WDR64: variants seen among roughly 807,000 people sequenced by gnomAD.
The protein encoded by WDR64 is WD repeat domain 64.
A neutral mutation model predicts 139.3 loss-of-function variants in WDR64; 112 were observed. That is an observed-to-expected ratio of 0.80 (90% CI 0.69 to 0.94). The LOEUF (loss-of-function observed/expected upper bound fraction) is 0.94. WDR64 is among the 40% of genes least tolerant of loss of function. The pLI is 0.00. For synonymous variants in WDR64, 444 were observed against 437.7 expected (o/e 1.01, Z -0.18); for missense variants, 1,206 against 1,293.1 (o/e 0.93, Z 1.03).
At position 241,679,580 on chromosome 1, in the gene WDR64, T is replaced by C; in HGVS notation, c.609T>C (p.Ala203=). 6.4e-7 allele frequency: 1 copy of C among 1,551,642 alleles called. No homozygotes were observed. The highest frequency in any genetic ancestry group is 1.2e-5 in the South Asian group (1 of 84,064). ...CCATTATTGTCTGGGATTATAAAGC[T>C]CAAGGGAGCAGCCAGGTATTGTGCC... ...ERTIIVWDYK[A]QGSSQENYFV... is the part of the protein sequence containing the mutation. The change falls in exon 6 of 28, where the codon GCT becomes GCC. Residue 203 remains alanine (A), a synonymous_variant. Transcript: ENST00000437684.
At chr1:241,740,798 T>C (rs577321035) in intron 11 of WDR64, among the ~76,000 whole-genome samples, 2 of 152,198 alleles carry the variant, frequency 1.3e-5, no homozygotes, top group Admixed American at 1.3e-4. Context: ...CTCGAGTAGC[T>C]GGGATTACAG....
chr1:241,682,250 T>C (rs1191258397), intron 6 of WDR64, among the ~76,000 whole-genome samples: 1 of 152,244 alleles, frequency 6.6e-6, no homozygotes, highest in Non-Finnish European at 1.5e-5. Flanking sequence ...AGAATTTTTA[T>C]AGTTTCAGGT....
At chr1:241,752,795 G>A (rs900365797) in intron 14 of WDR64, among the ~76,000 whole-genome samples, 1 of 152,254 alleles carries the variant, frequency 6.6e-6, no homozygotes, top group South Asian at 2.1e-4. Context: ...AGGCTGCAGT[G>A]AGCCAAAATT....
At chr1:241,789,554 A>G (rs1302345604) in intron 24 of WDR64, among the ~76,000 whole-genome samples, 2 of 152,234 alleles carry the variant, frequency 1.3e-5, no homozygotes, top group African/African-American at 4.8e-5. Context: ...CCCATAAAAA[A>G]GAATGAGATC....
chr1:241,685,292 TAAA>T (rs1666961476), intron 7 of WDR64, among the ~76,000 whole-genome samples: 1 of 151,774 alleles, frequency 6.6e-6, no homozygotes. Flanking sequence ...TTAATTGTTT[TAAA>T]AAATATTTAA....
At chr1:241,693,442 G>T (rs1237629752) in intron 8 of WDR64, among the ~76,000 whole-genome samples, 1 of 152,168 alleles carries the variant, frequency 6.6e-6, no homozygotes, top group Non-Finnish European at 1.5e-5. Flanking sequence ...TTAGGGCACT[G>T]AAACTACTTT....
chr1:241,698,187 T>G (rs1667571450), intron 8 of WDR64, among the ~76,000 whole-genome samples: 1 of 152,138 alleles, frequency 6.6e-6, no homozygotes, highest in African/African-American at 2.4e-5. Flanking sequence ...AATATATACC[T>G]TCTATAGCAT....
chr1:241,779,883 G>A, intron 21 of WDR64, 121 bp from the exon 22 acceptor site: 1 of 632,590 alleles, frequency 1.6e-6, no homozygotes, highest in Non-Finnish European at 2.6e-6. Flanking sequence ...TTTCATTTCT[G>A]TTTTCTCAGG....
chr1:241,684,498 G>A (rs1159987594), intron 7 of WDR64, among the ~76,000 whole-genome samples: 2 of 152,014 alleles, frequency 1.3e-5, no homozygotes, highest in South Asian at 4.1e-4. Context: ...ATATTAAATG[G>A]TCTTCCTTAT....
intron 11 of WDR64, among the ~76,000 whole-genome samples, chr1:241,739,323 T>C (rs1474477019): frequency 1.3e-5 from 2 of 152,168 alleles, no homozygotes; most frequent in Admixed American, 1.3e-4. Context: ...AATGAGTGAA[T>C]TTCCTAAGCA....
chr1:241,748,490 CT>C (rs1205315619), intron 13 of WDR64, among the ~76,000 whole-genome samples: 1 of 151,946 alleles, frequency 6.6e-6, no homozygotes, highest in Non-Finnish European at 1.5e-5. Flanking sequence ...ACTTACTTTT[CT>C]TTTTTTGTCT....
Position 241,749,741 on chromosome 1 carries a change from T to C in WDR64, c.1770+19T>C, listed in dbSNP as rs1669909606. 4 of 1,598,268 alleles carry C rather than the reference T, an allele frequency of 2.5e-6. No homozygotes were observed. The highest frequency in any genetic ancestry group is 1.4e-5 in the African/African-American group (1 of 69,958). On this transcript the variant is annotated intron_variant, in intron 14 of 27. Coordinates refer to ENST00000437684, the MANE Select transcript of WDR64 (RefSeq NM_001367482.1). ...GATCCAGGTTTACAATCCCACTTCA[T>C]ACTCGTACTGCAGGTGCCCTTTTTG...
chr1:241,790,078 T>C lies in WDR64; in HGVS notation c.2892-513T>C, dbSNP rs1431945846. On this transcript the variant is annotated intron_variant, in intron 24 of 27. Coordinates refer to ENST00000437684, the MANE Select transcript of WDR64 (RefSeq NM_001367482.1). ...TTTAAATACATGAAATGGCCGGTCATGGTGGCTCAGGCCTGTAATCCCAGC... is the reference window on the plus strand; with the variant it reads ...TTTAAATACATGAAATGGCCGGTCACGGTGGCTCAGGCCTGTAATCCCAGC... Among the ~76,000 whole-genome samples the C allele has an allele frequency of 4.6e-5, 7 of 152,138 alleles. No individual in the cohort carries two copies. In the East Asian group the frequency reaches 1.4e-3, roughly 29 times the overall value.
In WDR64 at chr1:241,660,549, G is replaced by C. The variant is rs1229160393; in HGVS notation, c.165G>C (p.Lys55Asn). The part of the protein sequence containing the change: ...IHKEDAIGYD[K>N]FYASVQKLFG... ...ATGCAGATGCAATTGGTTATGACAA[G>C]TTTTATGCATCGGTACAGAAGCTCT... Residue 55 changes from lysine to asparagine, a missense_variant, in exon 2 of 28, where the codon AAG becomes AAC. Transcript: ENST00000437684. 1 of 1,551,762 alleles carries C rather than the reference G, an allele frequency of 6.4e-7. No homozygotes were observed. The highest frequency in any genetic ancestry group is 2.0e-5 in the Admixed American group (1 of 51,004).
At chr1:241,708,275 T>C (rs1273939261) in intron 8 of WDR64, among the ~76,000 whole-genome samples, 1 of 152,242 alleles carries the variant, frequency 6.6e-6, no homozygotes, top group Non-Finnish European at 1.5e-5. Context: ...TTCAGTAATA[T>C]ATGAACATAA....
In WDR64 at chr1:241,762,032, T is replaced by C. The variant is rs1186908480; in HGVS notation, c.1948-4186T>C. Among the ~76,000 whole-genome samples, 8 of 152,224 alleles carry C rather than the reference T, an allele frequency of 5.3e-5. No individual in the cohort carries two copies. In the East Asian group the frequency reaches 1.5e-3, roughly 29 times the overall value. The stretch of plus-strand genomic sequence containing the variant: ...GACCTCCTCCCATGAATCACAAATG[T>C]CTTAATGGCATCTAGAATAGTGAAT... On this transcript the variant is annotated intron_variant, in intron 15 of 27. Transcript: ENST00000437684.
At chr1:241,699,451 T>G (rs1238006026) in intron 8 of WDR64, among the ~76,000 whole-genome samples, 1 of 152,218 alleles carries the variant, frequency 6.6e-6, no homozygotes, top group African/African-American at 2.4e-5. Flanking sequence ...AAGACTAGGT[T>G]GTCGACCTCA....
intron 24 of WDR64, among the ~76,000 whole-genome samples, chr1:241,789,411 A>T (rs9428517): frequency 0.99 from 151,198 of 152,328 alleles, 75,050 homozygotes; most frequent in Middle Eastern, 1. Context: ...CATTCTACTA[A>T]AAAGATACAT....
At chr1:241,748,311 A>T (rs550214437) in intron 13 of WDR64, among the ~76,000 whole-genome samples, 1 of 152,288 alleles carries the variant, frequency 6.6e-6, no homozygotes, top group African/African-American at 2.4e-5. Flanking sequence ...GGGGTTTTTC[A>T]ACAACAGAAA....
Sources: allele counts gnomAD v4.1 joint callset (sites outside exome capture counted in the v4.1 genomes callset), GRCh38; gene constraint gnomAD v4.1.1; transcripts MANE v1.5; gene names NCBI Gene and HGNC (gene_info 2026-07-23, HGNC 2026-07-21).